Variants in ABI3BP observed in about 807,000 individuals in gnomAD.
ABI3BP encodes the protein ABI family member 3 binding protein, also known as target of Nesh-SH3.
ABI3BP carries 216 observed loss-of-function variants against 268.6 expected under a neutral mutation model. The ratio of observed to expected loss-of-function variants is 0.80; its 90% confidence interval spans 0.72 to 0.90. The LOEUF (loss-of-function observed/expected upper bound fraction) is 0.90. ABI3BP is among the 40% of genes least tolerant of loss of function. The pLI, the probability that ABI3BP is intolerant of heterozygous loss-of-function variation, is 0.00. For missense variants in ABI3BP, 2,090 were observed against 2,182.4 expected, an observed-to-expected ratio of 0.96 and a Z score of 0.84; for synonymous variants, 730 against 730.0, an observed-to-expected ratio of 1.00 and a Z score of 0.00.
chr3:100,849,062 G>T (rs1342201621), intron 17 of ABI3BP, among the ~76,000 whole-genome samples, 187 bp from the exon 18 acceptor site: 1 of 151,942 alleles, frequency 6.6e-6, no homozygotes, highest in Non-Finnish European at 1.5e-5. Flanking sequence ...GGGACAAAAG[G>T]TATAAAATTT....
At chr3:100,785,456 A>G (rs569703971) in intron 57 of ABI3BP, among the ~76,000 whole-genome samples, 92 of 152,316 alleles carry the variant, frequency 6.0e-4, no homozygotes, top group Middle Eastern at 3.4e-3. Context: ...TTCCTCACCA[A>G]TTTTTGAAAA....
intron 61 of ABI3BP, among the ~76,000 whole-genome samples, 193 bp from the exon 62 acceptor site, chr3:100,771,145 A>G (rs1405282629): frequency 6.6e-6 from 1 of 152,170 alleles, no homozygotes; most frequent in East Asian, 1.9e-4. Flanking sequence ...GGTGGTGTTG[A>G]TTTACTTACT....
At position 100,749,474 on chromosome 3, in the gene ABI3BP, G is replaced by A; in HGVS notation, c.*1021C>T. The A allele has an allele frequency of 2.5e-6, 1 of 394,408 alleles. No homozygotes were observed. Among genetic ancestry groups the A allele is most frequent in the East Asian group, 3.6e-5 (1 of 27,800 alleles). The allele number at this position is 394,408 out of a possible 1,614,324, so 24.4% of individuals were successfully genotyped here. ...CAGAATGACTGCAACAGTGCAGCAA[G>A]GATTCCCATTCCCCGCCTAAAGGAC... On this transcript the variant is annotated 3_prime_UTR_variant, in exon 68 of 68. Coordinates refer to ENST00000471714, the MANE Select transcript of ABI3BP (RefSeq NM_001375547.2).
chr3:100,822,643 G>A lies in ABI3BP; in HGVS notation c.2833C>T (p.Pro945Ser). The A allele has an allele frequency of 6.5e-7, 1 of 1,536,640 alleles. No individual in the cohort carries two copies. Among genetic ancestry groups the A allele is most frequent in the Non-Finnish European group, 8.7e-7 (1 of 1,146,984 alleles). ...ASKTSQRTRRPRLRTKTTPRP... is the reference protein window; with the variant it reads ...ASKTSQRTRRSRLRTKTTPRP... Reference sequence around the variant, plus strand: ...GGTGTGGTTTTTGTTCTGAGACGTGGACGACGTGTCCGTTGTGATGTTTTG... The same window carrying A: ...GGTGTGGTTTTTGTTCTGAGACGTGAACGACGTGTCCGTTGTGATGTTTTG... The change falls in exon 38 of 68, where the codon CCA (proline) becomes TCA (serine). Residue 945 changes from proline (P) to serine (S), a missense_variant. By Grantham distance (74) the Pro-to-Ser change is moderately conservative (BLOSUM62 -1). Transcript: ENST00000471714.
At chr3:100,979,720 G>A (rs997591546) in intron 1 of ABI3BP, among the ~76,000 whole-genome samples, 10 of 152,164 alleles carry the variant, frequency 6.6e-5, no homozygotes, top group Middle Eastern at 3.4e-3. Context: ...TTAATTTTCC[G>A]GCATAAGTGA....
intron 48 of ABI3BP, among the ~76,000 whole-genome samples, chr3:100,810,946 G>A (rs1385901490): frequency 6.6e-6 from 1 of 152,088 alleles, no homozygotes; most frequent in Non-Finnish European, 1.5e-5. Flanking sequence ...TCAACACAAT[G>A]CCAAGCTGGC....
At chr3:100,824,094 C>T (rs190060600) in intron 36 of ABI3BP, among the ~76,000 whole-genome samples, 1 of 152,274 alleles carries the variant, frequency 6.6e-6, no homozygotes, top group East Asian at 1.9e-4. Context: ...TGTCTGCCCT[C>T]AGCCCAGAAT....
intron 66 of ABI3BP, 37 bp from the exon 67 acceptor site, chr3:100,751,711 T>A: frequency 6.5e-7 from 1 of 1,542,090 alleles, no homozygotes; most frequent in Middle Eastern, 1.7e-4. Context: ...AAGTTTACTT[T>A]CTTACTTTGA....
intron 57 of ABI3BP, among the ~76,000 whole-genome samples, chr3:100,785,440 CA>C (rs2097004960): frequency 6.6e-6 from 1 of 152,148 alleles, no homozygotes; most frequent in Middle Eastern, 3.2e-3. Flanking sequence ...GATTTTTAAA[CA>C]TTTTTTCCTC....
chr3:100,976,939 G>A (rs550815473), intron 1 of ABI3BP, among the ~76,000 whole-genome samples: 5 of 152,342 alleles, frequency 3.3e-5, no homozygotes, highest in African/African-American at 4.8e-5. Flanking sequence ...CAACTATGAA[G>A]GCCTCTGGAG....
At chr3:100,800,939 T>C (rs530496447) in intron 51 of ABI3BP, among the ~76,000 whole-genome samples, 1 of 152,342 alleles carries the variant, frequency 6.6e-6, no homozygotes, top group Non-Finnish European at 1.5e-5. Flanking sequence ...TTTGTTTATA[T>C]CACTAACCCA....
intron 50 of ABI3BP, among the ~76,000 whole-genome samples, chr3:100,807,764 C>G (rs980278769): frequency 6.6e-6 from 1 of 152,008 alleles, no homozygotes; most frequent in Non-Finnish European, 1.5e-5. Flanking sequence ...GAACCTCAGA[C>G]ATTTGTTGTA....
chr3:100,811,365 T>G, intron 47 of ABI3BP, 88 bp from the exon 48 acceptor site: 1 of 1,016,426 alleles, frequency 9.8e-7, no homozygotes, highest in Non-Finnish European at 1.4e-6. Context: ...ATTAATAATT[T>G]GCATCATAAT....
intron 4 of ABI3BP, among the ~76,000 whole-genome samples, 176 bp from the exon 5 acceptor site, chr3:100,886,499 T>C (rs1364470001): frequency 6.6e-6 from 1 of 152,082 alleles, no homozygotes; most frequent in Non-Finnish European, 1.5e-5. Flanking sequence ...CAACGTGTGC[T>C]TAGGTTTTTA....
chr3:100,785,699 T>C (rs1428478477), intron 57 of ABI3BP, among the ~76,000 whole-genome samples: 1 of 152,216 alleles, frequency 6.6e-6, no homozygotes, highest in Non-Finnish European at 1.5e-5. Context: ...AGTACAGTGT[T>C]AGTTGCAGCT....
chr3:100,883,039 A>G (rs1481542592), intron 6 of ABI3BP, among the ~76,000 whole-genome samples: 1 of 152,138 alleles, frequency 6.6e-6, no homozygotes, highest in Non-Finnish European at 1.5e-5. Context: ...AGAGACAAAG[A>G]TGAAGGGAAC....
intron 54 of ABI3BP, among the ~76,000 whole-genome samples, chr3:100,793,950 G>A (rs17217760): frequency 0.14 from 21,034 of 151,964 alleles, 1,895 homozygotes; most frequent in South Asian, 0.27. Context: ...GCTCATCCCA[G>A]TGGACCTTTC....
rs199787233 is a variant in ABI3BP at position 100,898,785 on chromosome 3, C to T, written c.438G>A (p.Leu146=). 9.0e-4 allele frequency: 1,448 copies of T among 1,613,430 alleles called. 15 individuals are homozygous for T. Among genetic ancestry groups the T allele is most frequent in the South Asian group, 8.6e-3 (784 of 90,940 alleles). Residue 146 remains leucine (L), a synonymous_variant, in exon 4 of 68, where the codon TTG becomes TTA. Coordinates refer to ENST00000471714, the MANE Select transcript of ABI3BP (RefSeq NM_001375547.2). ...FLINPHHDWT[L]PSHCPNDRFY... ...ACCTGTCATTGGGACAGTGACTTGG[C>T]AATGTCCAGTCATGGTGTGGGTTGA...
At chr3:100,750,832 T>C (rs1443554498) in intron 67 of ABI3BP, among the ~76,000 whole-genome samples, 1 of 152,148 alleles carries the variant, frequency 6.6e-6, no homozygotes, top group Non-Finnish European at 1.5e-5. Flanking sequence ...CGTGTCAAGT[T>C]AGGAGGGGAT....
Sources: allele counts gnomAD v4.1 joint callset (sites outside exome capture counted in the v4.1 genomes callset), GRCh38; gene constraint gnomAD v4.1.1; transcripts MANE v1.5; gene names NCBI Gene and HGNC (gene_info 2026-07-23, HGNC 2026-07-21).